Variants in LEPR observed in about 807,000 individuals in gnomAD.
LEPR encodes leptin receptor, also known as OB receptor.
Under a neutral mutation model 114.7 loss-of-function variants are expected in LEPR, and 56 were observed. That is an observed-to-expected ratio of 0.49 (90% confidence interval 0.39 to 0.61). The LOEUF is 0.61. LEPR is among the 20% of genes least tolerant of loss of function. LEPR has a pLI of 0.00. For missense variants in LEPR, 1,202 were observed against 1,352.9 expected, an observed-to-expected ratio of 0.89 and a Z score of 1.75; for synonymous variants, 443 against 461.4, an observed-to-expected ratio of 0.96 and a Z score of 0.51.
chr1:65,618,886 C>T (rs57669574), intron 16 of LEPR, among the ~76,000 whole-genome samples: 8,714 of 152,200 alleles, frequency 0.057, 564 homozygotes, highest in South Asian at 0.21. Flanking sequence ...ATTGTTTCCT[C>T]AAACTGTGTA....
rs576694791 is a variant in LEPR, at chr1:65,573,222, C to T, written c.494+773C>T. 3.0e-4 allele frequency among the ~76,000 whole-genome samples: 45 copies of T among 152,290 alleles called. No homozygotes were observed. The South Asian group carries it at 7.5e-3, about 25-fold the overall frequency. On this transcript the variant is annotated intron_variant, in intron 5 of 19. Transcript: ENST00000349533. ...TAACAGATGGAGTTATATGCCTGCG[C>T]ACTACTCGCTGAGTCATGCAGGCCT...
At chr1:65,539,158 A>G (rs1650999158) in intron 2 of LEPR, among the ~76,000 whole-genome samples, 1 of 150,306 alleles carries the variant, frequency 6.7e-6, no homozygotes, top group Non-Finnish European at 1.5e-5. Context: ...AATTTTCAAA[A>G]GCTCTTTCTT....
chr1:65,437,400 A>G (rs1646578533), intron 2 of LEPR, among the ~76,000 whole-genome samples: 1 of 152,132 alleles, frequency 6.6e-6, no homozygotes, highest in African/African-American at 2.4e-5. Flanking sequence ...ATGAATGGAT[A>G]ATGTGATATA....
At chr1:65,427,341 C>A (rs114546727) in intron 2 of LEPR, among the ~76,000 whole-genome samples, 1 of 152,138 alleles carries the variant, frequency 6.6e-6, no homozygotes, top group Admixed American at 6.5e-5. Context: ...TGGGAGGCAA[C>A]GGTAGGAGGA....
chr1:65,468,842 G>A (rs994123398), intron 2 of LEPR, among the ~76,000 whole-genome samples: 8 of 152,202 alleles, frequency 5.3e-5, no homozygotes, highest in Non-Finnish European at 1.2e-4. Flanking sequence ...AGCAAAGCAA[G>A]TTGGGTATAA....
Position 65,570,471 on chromosome 1 carries a change from A to G in LEPR, c.41-2A>G. ...CTATGTGTCTTTTTAATATCCTAAC[A>G]GAATTTATTTATGTGATAACTGCGT... is the stretch of plus-strand genomic sequence containing the variant. On this transcript the variant is annotated splice_acceptor_variant, in intron 3 of 19. Transcript: ENST00000349533. LOFTEE classifies it high-confidence loss of function. The G allele has an allele frequency of 1.2e-6, 2 of 1,612,922 alleles. No individual in the cohort carries two copies. Among genetic ancestry groups the G allele is most frequent in the Non-Finnish European group, 1.7e-6 (2 of 1,179,686 alleles).
intron 2 of LEPR, among the ~76,000 whole-genome samples, chr1:65,481,368 A>G (rs1647232294): frequency 1.3e-5 from 2 of 152,216 alleles, no homozygotes; most frequent in Non-Finnish European, 2.9e-5. Flanking sequence ...AAAACCCACA[A>G]CTTCCCAGCA....
chr1:65,447,506 G>A (rs765033063), intron 2 of LEPR, among the ~76,000 whole-genome samples: 10 of 149,374 alleles, frequency 6.7e-5, no homozygotes, highest in Admixed American at 6.7e-5. Context: ...GGGGGTGCTG[G>A]TATAAATGGT....
Position 65,633,411 on chromosome 1 carries a change from A to G in LEPR, c.2674-2780A>G. ...GTGTGATTAATTTTCAAATCATCTA[A>G]AGTTTAAAAGTAGTATTCATGATTT... On this transcript the variant is annotated intron_variant, in intron 19 of 19. Coordinates refer to ENST00000349533, the MANE Select transcript of LEPR (RefSeq NM_002303.6). The surrounding 1 kb of genome is among the most constrained non-coding windows in gnomAD (Gnocchi z 4.1). The G allele has an allele frequency of 7.6e-7, 1 of 1,315,554 alleles. No homozygotes were observed. The highest frequency in any genetic ancestry group is 9.7e-7 in the Non-Finnish European group (1 of 1,035,040). The allele number at this position is 1,315,554 out of a possible 1,614,324, so 81.5% of individuals were successfully genotyped here.
chr1:65,426,728 A>G (rs986104077), intron 2 of LEPR, among the ~76,000 whole-genome samples: 3 of 152,162 alleles, frequency 2.0e-5, no homozygotes, highest in Non-Finnish European at 2.9e-5. Context: ...GCCAGGCACC[A>G]TGGCTCACGC....
intron 1 of LEPR, chr1:65,421,293 C>T (rs1646244871): frequency 6.7e-7 from 1 of 1,500,502 alleles, no homozygotes; most frequent in African/African-American, 1.4e-5. Flanking sequence ...AATTTTAATA[C>T]TGCTTTCTTC....
At chr1:65,489,843 CT>C (rs1453952914) in intron 2 of LEPR, among the ~76,000 whole-genome samples, 1 of 152,114 alleles carries the variant, frequency 6.6e-6, no homozygotes, top group Non-Finnish European at 1.5e-5. Flanking sequence ...TCCCTGGCCC[CT>C]ATCACTTGTG....
intron 2 of LEPR, among the ~76,000 whole-genome samples, chr1:65,444,369 A>G (rs935203421): frequency 1.3e-5 from 2 of 152,052 alleles, no homozygotes; most frequent in Non-Finnish European, 2.9e-5. Context: ...ACCTCCCTGC[A>G]GGAGCCTTTA....
At chr1:65,446,284 A>G (rs186832508) in intron 2 of LEPR, among the ~76,000 whole-genome samples, 1 of 152,364 alleles carries the variant, frequency 6.6e-6, no homozygotes, top group African/African-American at 2.4e-5. Flanking sequence ...CAGTTGTTAA[A>G]TTTTAGCCAT....
rs1295137879 is a variant in LEPR, at chr1:65,558,432, GTGGTGCCAATTCTCACTTATCATA to G, written c.-20-7098_-20-7075del. ...ACACTTTTTTCCATTTACTTATCAT[GTGGTGCCAATTCTCACTTATCATA>G]TGGTGCCAATTCTCAGATATGAGTC... On this transcript the variant is annotated intron_variant, in intron 2 of 19. Coordinates refer to ENST00000349533, the MANE Select transcript of LEPR (RefSeq NM_002303.6). Among the ~76,000 whole-genome samples, 8 of 141,812 alleles carry G rather than the reference GTGGTGCCAATTCTCACTTATCATA, an allele frequency of 5.6e-5. No homozygotes were observed. The East Asian group carries it at 1.4e-3, about 25-fold the overall frequency. The allele number at this position is 141,812 out of a possible 152,430, so 93.0% of individuals were successfully genotyped here. A position where few individuals can be genotyped will look rare whatever the true frequency, so the allele number is the denominator to read the frequency against.
chr1:65,575,055 A>C (rs182705707), intron 5 of LEPR, among the ~76,000 whole-genome samples: 47 of 152,230 alleles, frequency 3.1e-4, no homozygotes, highest in Admixed American at 8.5e-4. Context: ...GCTGGTGCTG[A>C]GAATATGAAA....
At chr1:65,575,949 T>G (rs1375838990) in intron 5 of LEPR, among the ~76,000 whole-genome samples, 1 of 151,504 alleles carries the variant, frequency 6.6e-6, no homozygotes, top group East Asian at 1.9e-4. Context: ...AGATCTGCTG[T>G]GTTACCTCTG....
At position 65,465,769 on chromosome 1, in the gene LEPR, C is replaced by T. The variant is rs137956278; in HGVS notation, c.-21+40391C>T. Among the ~76,000 whole-genome samples, 212 of 152,310 alleles carry T rather than the reference C, an allele frequency of 1.4e-3. 2 individuals carry two copies. The highest frequency in any genetic ancestry group is 5.0e-3 in the African/African-American group (208 of 41,554). ...TCTTCTTGTTGAATTGATCCCTTTA[C>T]CATTACGTAGTGGCCTTCTTTGCCT... On this transcript the variant is annotated intron_variant, in intron 2 of 19. Coordinates refer to ENST00000349533, the MANE Select transcript of LEPR (RefSeq NM_002303.6).
intron 2 of LEPR, among the ~76,000 whole-genome samples, chr1:65,485,838 C>G (rs1011683399): frequency 6.6e-6 from 1 of 152,032 alleles, no homozygotes; most frequent in Non-Finnish European, 1.5e-5. Flanking sequence ...ACAGTACATC[C>G]AAGAAGAATG....
Sources: allele counts gnomAD v4.1 joint callset (sites outside exome capture counted in the v4.1 genomes callset), GRCh38; gene constraint gnomAD v4.1.1; non-coding constraint Gnocchi (gnomAD v3.1); transcripts MANE v1.5; gene names NCBI Gene and HGNC (gene_info 2026-07-23, HGNC 2026-07-21).